NECTIN3: variants seen among roughly 807,000 people sequenced by gnomAD.
The protein encoded by NECTIN3 is nectin-3.
A neutral mutation model predicts 49.4 loss-of-function variants in NECTIN3; 8 were observed. That is an observed-to-expected ratio of 0.16 (90% CI 0.10 to 0.29). NECTIN3 has a LOEUF of 0.29. Among genes scored for constraint, NECTIN3 ranks in the 10% least tolerant of loss-of-function variants. NECTIN3 has a pLI of 1.00. For synonymous variants in NECTIN3, 277 were observed against 241.1 expected (o/e 1.15, Z -1.38); for missense variants, 581 against 654.6 (o/e 0.89, Z 1.23).
chr3:111,093,890 C>T (rs899317979), intron 1 of NECTIN3, among the ~76,000 whole-genome samples: 4 of 152,050 alleles, frequency 2.6e-5, no homozygotes, highest in Non-Finnish European at 1.5e-5. Flanking sequence ...TGTTTTAAAA[C>T]CTCTATTAGT....
intron 1 of NECTIN3, chr3:111,072,725 C>A: frequency 2.6e-6 from 2 of 771,418 alleles, no homozygotes; most frequent in African/African-American, 1.8e-5. Context: ...ACTCCCCCGG[C>A]TCTGCCCTGA....
chr3:111,151,353 A>C (rs975831537), intron 7 of NECTIN3, among the ~76,000 whole-genome samples: 1 of 151,894 alleles, frequency 6.6e-6, no homozygotes. Context: ...TATAATATCC[A>C]TATCACAGAT....
intron 3 of NECTIN3, among the ~76,000 whole-genome samples, chr3:111,120,985 AGT>A (rs1343208442): frequency 6.7e-6 from 1 of 150,074 alleles, no homozygotes; most frequent in Middle Eastern, 3.2e-3. Flanking sequence ...CACCTAAAAC[AGT>A]GTATTATTTC....
rs562539074 is a variant in NECTIN3, at chr3:111,150,188, A to G, written c.1221+2704A>G. On this transcript the variant is annotated intron_variant, in intron 7 of 8. Transcript: ENST00000493615. ...TTATTTGACTCTACTGAGAATGATAATAGTAATTTCAGTCTAGCAGCAATA... is the reference window on the plus strand; with the variant it reads ...TTATTTGACTCTACTGAGAATGATAGTAGTAATTTCAGTCTAGCAGCAATA... 3.9e-5 allele frequency among the ~76,000 whole-genome samples: 6 copies of G among 152,168 alleles called. No homozygotes were observed. In the South Asian group the frequency reaches 1.2e-3, roughly 32 times the overall value.
intron 1 of NECTIN3, among the ~76,000 whole-genome samples, chr3:111,109,832 T>C (rs2107444713): frequency 6.6e-6 from 1 of 152,214 alleles, no homozygotes; most frequent in Middle Eastern, 3.4e-3. Flanking sequence ...TCACTATAAT[T>C]GCATTGCATT....
At chr3:111,152,392 A>G (rs2035018187) in intron 7 of NECTIN3, among the ~76,000 whole-genome samples, 1 of 151,888 alleles carries the variant, frequency 6.6e-6, no homozygotes, top group Non-Finnish European at 1.5e-5. Context: ...AACCTCACCA[A>G]TAGTATGTAT....
intron 7 of NECTIN3, among the ~76,000 whole-genome samples, chr3:111,180,852 A>G (rs961881311): frequency 1.3e-5 from 2 of 152,206 alleles, no homozygotes; most frequent in East Asian, 3.9e-4. Context: ...ATTCCAGACT[A>G]TGTCAATGAC....
chr3:111,087,235 G>A (rs1324798394), intron 1 of NECTIN3, among the ~76,000 whole-genome samples: 1 of 152,000 alleles, frequency 6.6e-6, no homozygotes, highest in Non-Finnish European at 1.5e-5. Context: ...TTATTGCACT[G>A]GCTAGGACAT....
At chr3:111,118,362 A>G (rs2033797853) in intron 2 of NECTIN3, among the ~76,000 whole-genome samples, 1 of 147,892 alleles carries the variant, frequency 6.8e-6, no homozygotes, top group African/African-American at 2.5e-5. Flanking sequence ...GTTCACAGAA[A>G]TTTTTTTTAT....
intron 1 of NECTIN3, among the ~76,000 whole-genome samples, chr3:111,106,048 T>G (rs1022137000): frequency 3.9e-5 from 6 of 151,936 alleles, no homozygotes; most frequent in Non-Finnish European, 2.9e-5. Flanking sequence ...TGTAGGTACT[T>G]TCTTCACTTA....
chr3:111,179,914 C>A (rs1663971718), intron 7 of NECTIN3, among the ~76,000 whole-genome samples: 3 of 150,650 alleles, frequency 2.0e-5, no homozygotes, highest in Non-Finnish European at 3.0e-5. Context: ...AAGATCCAGG[C>A]AGACTTTACA....
chr3:111,149,902 A>G (rs907744119), intron 7 of NECTIN3, among the ~76,000 whole-genome samples: 6 of 151,988 alleles, frequency 3.9e-5, no homozygotes, highest in Non-Finnish European at 8.8e-5. Context: ...AAATTTTTGA[A>G]AACACTGCAT....
chr3:111,144,239 T>G (rs1000190830), intron 5 of NECTIN3, among the ~76,000 whole-genome samples: 1 of 152,042 alleles, frequency 6.6e-6, no homozygotes, highest in African/African-American at 2.4e-5. Context: ...AAGTTGGTAT[T>G]CAGAAATGAC....
intron 1 of NECTIN3, among the ~76,000 whole-genome samples, chr3:111,106,197 T>A (rs1576108030): frequency 6.6e-6 from 1 of 152,168 alleles, no homozygotes; most frequent in South Asian, 2.1e-4. Flanking sequence ...CCTTGCTAAT[T>A]GTCTGTTTCC....
At chr3:111,170,821 T>A (rs747843645) in intron 7 of NECTIN3, among the ~76,000 whole-genome samples, 33 of 152,156 alleles carry the variant, frequency 2.2e-4, no homozygotes, top group Non-Finnish European at 4.1e-4. Flanking sequence ...CAGGGATTGC[T>A]AAAACACAGA....
chr3:111,116,694 T>C (rs2107458813), intron 2 of NECTIN3, among the ~76,000 whole-genome samples: 1 of 152,232 alleles, frequency 6.6e-6, no homozygotes, highest in South Asian at 2.1e-4. Context: ...CTGGCTATGA[T>C]AGGCATTTTG....
chr3:111,183,528 G>A (rs1173793857), intron 7 of NECTIN3, among the ~76,000 whole-genome samples: 2 of 151,986 alleles, frequency 1.3e-5, no homozygotes, highest in Non-Finnish European at 2.9e-5. Context: ...TGGCCAGGCT[G>A]GTCTCAAACT....
chr3:111,160,994 G>A (rs916925467), intron 7 of NECTIN3, among the ~76,000 whole-genome samples: 1 of 152,162 alleles, frequency 6.6e-6, no homozygotes, highest in Non-Finnish European at 1.5e-5. Flanking sequence ...ACGACAGAAC[G>A]AGACTCCGTC....
chr3:111,150,075 A>G (rs986046951), intron 7 of NECTIN3, among the ~76,000 whole-genome samples: 1 of 152,162 alleles, frequency 6.6e-6, no homozygotes, highest in South Asian at 2.1e-4. Context: ...CTGAAAGAAA[A>G]TGTAAGTCTT....
Sources: gnomAD v4.1 joint callset for allele counts (sites outside exome capture counted in the v4.1 genomes callset) on GRCh38, gnomAD v4.1.1 for gene constraint, MANE v1.5 for transcripts, NCBI Gene and HGNC (gene_info 2026-07-23, HGNC 2026-07-21) for gene names.